SLC5A10: variants seen among roughly 807,000 people sequenced by gnomAD.
SLC5A10 encodes the protein solute carrier family 5 member 10.
A neutral mutation model predicts 68.9 loss-of-function variants in SLC5A10; 55 were observed. That is an observed-to-expected ratio of 0.80 (90% CI 0.64 to 1.00). SLC5A10 has a LOEUF of 1.00. SLC5A10 is among the 50% of genes least tolerant of loss of function. The pLI, the probability that SLC5A10 is intolerant of heterozygous loss-of-function variation, is 0.00. For synonymous variants in SLC5A10, 344 were observed against 344.8 expected, an observed-to-expected ratio of 1.00 and a Z score of 0.02; for missense variants, 732 against 819.3, an observed-to-expected ratio of 0.89 and a Z score of 1.30.
chr17:19,015,907 A>G (rs1288271292), intron 11 of SLC5A10, among the ~76,000 whole-genome samples: 1 of 152,212 alleles, frequency 6.6e-6, no homozygotes, highest in Non-Finnish European at 1.5e-5. Context: ...GTGTTTGGTT[A>G]CATGAATAAG....
At chr17:18,990,443 C>T (rs2043387070) in intron 9 of SLC5A10, among the ~76,000 whole-genome samples, 1 of 152,214 alleles carries the variant, frequency 6.6e-6, no homozygotes, top group Non-Finnish European at 1.5e-5. Context: ...GGCAAACAGC[C>T]TCACGTGCCA....
chr17:18,997,873 T>C (rs939673201), intron 9 of SLC5A10, among the ~76,000 whole-genome samples: 7 of 152,234 alleles, frequency 4.6e-5, no homozygotes, highest in African/African-American at 1.7e-4. Flanking sequence ...CAGAGTGTTT[T>C]ACACACCACA....
At chr17:18,989,709 G>A (rs1459053983) in intron 9 of SLC5A10, among the ~76,000 whole-genome samples, 3 of 152,174 alleles carry the variant, frequency 2.0e-5, no homozygotes, top group Non-Finnish European at 2.9e-5. Flanking sequence ...CAGTCACCCC[G>A]CACGTTCCCA....
chr17:18,966,060 T>C (rs930017761), intron 5 of SLC5A10, among the ~76,000 whole-genome samples: 3 of 152,128 alleles, frequency 2.0e-5, no homozygotes, highest in Non-Finnish European at 4.4e-5. Flanking sequence ...AAGTGGCAAG[T>C]CAGCAGGGAG....
At chr17:18,967,939 G>A (rs979216354) in intron 5 of SLC5A10, among the ~76,000 whole-genome samples, 1 of 131,098 alleles carries the variant, frequency 7.6e-6, no homozygotes, top group Non-Finnish European at 1.5e-5. Context: ...CACAGCCAAA[G>A]ATAAGGACCA....
chr17:18,982,485 C>T (rs967467001), intron 9 of SLC5A10, among the ~76,000 whole-genome samples: 4 of 152,204 alleles, frequency 2.6e-5, no homozygotes, highest in African/African-American at 9.6e-5. Context: ...TGGAGGGATG[C>T]CGGGGCTGGC....
At chr17:18,992,591 G>T (rs904368316) in intron 9 of SLC5A10, among the ~76,000 whole-genome samples, 7 of 152,194 alleles carry the variant, frequency 4.6e-5, no homozygotes, top group Non-Finnish European at 7.4e-5. Flanking sequence ...ATCTCCCTCA[G>T]CCCCAGCCAG....
chr17:18,977,030 C>G, intron 9 of SLC5A10, 41 bp downstream of exon 9: 1 of 1,605,158 alleles, frequency 6.2e-7, no homozygotes, highest in Non-Finnish European at 8.5e-7. Context: ...CTGCAGGGCA[C>G]CCAGGGTTCT....
chr17:19,015,888 G>A (rs1345138066), intron 11 of SLC5A10, among the ~76,000 whole-genome samples: 1 of 152,196 alleles, frequency 6.6e-6, no homozygotes, highest in Non-Finnish European at 1.5e-5. Context: ...TGTGTCTGGA[G>A]AACAGGTGGT....
In SLC5A10 at chr17:19,003,484, T is replaced by C; in HGVS notation, c.983-9926T>C. 6.7e-7 allele frequency: 1 copy of C among 1,501,568 alleles called. No homozygotes were observed. The highest frequency in any genetic ancestry group is 8.9e-7 in the Non-Finnish European group (1 of 1,125,366). The allele number at this position is 1,501,568 out of a possible 1,614,324, so 93.0% of individuals were successfully genotyped here. ...TATTGAGAGGGGTCCGGTGGCTGGT[T>C]GGGCCATGGCTCCAGGAGTCCCCGC... On this transcript the variant is annotated intron_variant, in intron 9 of 14. Transcript: ENST00000395645. The surrounding 1 kb of genome is among the most constrained non-coding windows in gnomAD (Gnocchi z 4.5).
chr17:18,977,004 G>T lies in SLC5A10; in HGVS notation c.982+15G>T, dbSNP rs374026119. 3 of 1,610,312 alleles carry T rather than the reference G, an allele frequency of 1.9e-6. No individual in the cohort carries two copies. Among genetic ancestry groups the T allele is most frequent in the Non-Finnish European group, 2.5e-6 (3 of 1,179,766 alleles). The stretch of plus-strand genomic sequence containing the variant: ...ATTGTTCCCAGGTAGGACGGGCTCC[G>T]GGCACTGAACCCAGGCTGCAGGGCA... On this transcript the variant is annotated intron_variant, in intron 9 of 14. Coordinates refer to ENST00000395645, the MANE Select transcript of SLC5A10 (RefSeq NM_001042450.4).
chr17:19,017,402 G>A lies in SLC5A10; in HGVS notation c.1242-2021G>A. The A allele has an allele frequency of 6.5e-7, 1 of 1,549,862 alleles. No homozygotes were observed. Among genetic ancestry groups the A allele is most frequent in the Non-Finnish European group, 8.7e-7 (1 of 1,145,270 alleles). ...CGTGGTCATGGATCTCTGGTAGGGT[G>A]AATGGCCTGACAACAGTCTCTGTCA... is the stretch of plus-strand genomic sequence containing the variant. On this transcript the variant is annotated intron_variant, in intron 11 of 14. Coordinates refer to ENST00000395645, the MANE Select transcript of SLC5A10 (RefSeq NM_001042450.4). This position sits in a 1 kb window ranked among gnomAD's most constrained non-coding sequence, Gnocchi z 5.6.
chr17:18,994,671 C>T (rs936690064), intron 9 of SLC5A10, among the ~76,000 whole-genome samples: 2 of 152,154 alleles, frequency 1.3e-5, no homozygotes, highest in Non-Finnish European at 2.9e-5. Flanking sequence ...TCCTAACACA[C>T]AGGTCCTGCA....
chr17:18,958,126 A>G (rs1372075193), intron 1 of SLC5A10, among the ~76,000 whole-genome samples: 2 of 152,210 alleles, frequency 1.3e-5, no homozygotes, highest in Non-Finnish European at 2.9e-5. Context: ...GCTGCAGTGC[A>G]GTGGCACAAT....
intron 9 of SLC5A10, chr17:18,978,649 A>T: frequency 6.2e-7 from 1 of 1,613,032 alleles, no homozygotes; most frequent in Non-Finnish European, 8.5e-7. Context: ...TCTTGGCCAC[A>T]GTGCCCGCGG....
chr17:19,007,674 G>A (rs1461825277), intron 9 of SLC5A10, among the ~76,000 whole-genome samples: 1 of 152,104 alleles, frequency 6.6e-6, no homozygotes, highest in Non-Finnish European at 1.5e-5. Context: ...ACCTTTGTTG[G>A]GTGTGTGCTC....
At chr17:19,002,622 C>A (rs2043759571) in intron 9 of SLC5A10, among the ~76,000 whole-genome samples, 1 of 152,210 alleles carries the variant, frequency 6.6e-6, no homozygotes, top group Non-Finnish European at 1.5e-5. Flanking sequence ...TAAGCTTTAT[C>A]TATCAAATTA....
In SLC5A10 at chr17:18,957,716, G is replaced by A. The variant is rs570935718; in HGVS notation, c.112-966G>A. ...CTTGACCTCGTGATCCACCCACCTCGGCCTCCCAAAGTGCTGGGATTACAG... is the reference window on the plus strand; with the variant it reads ...CTTGACCTCGTGATCCACCCACCTCAGCCTCCCAAAGTGCTGGGATTACAG... On this transcript the variant is annotated intron_variant, in intron 1 of 14. Transcript: ENST00000395645. Among the ~76,000 whole-genome samples, 38 of 152,194 alleles carry A rather than the reference G, an allele frequency of 2.5e-4. 1 individual carries two copies. In the South Asian group the frequency reaches 5.4e-3, roughly 22 times the overall value.
intron 9 of SLC5A10, among the ~76,000 whole-genome samples, chr17:18,992,726 G>A (rs1431258320): frequency 6.6e-6 from 1 of 152,222 alleles, no homozygotes; most frequent in Non-Finnish European, 1.5e-5. Flanking sequence ...CAAAGGAGAA[G>A]GTGGACAAGA....
Sources: gnomAD v4.1 joint callset for allele counts (sites outside exome capture counted in the v4.1 genomes callset) on GRCh38, gnomAD v4.1.1 for gene constraint, Gnocchi (gnomAD v3.1) non-coding constraint, MANE v1.5 for transcripts, NCBI Gene and HGNC (gene_info 2026-07-23, HGNC 2026-07-21) for gene names.